The following FHOD3 variants were observed in gnomAD, a reference collection of about 807,000 sequenced individuals.
FHOD3 encodes the protein FH1/FH2 domain-containing protein 3.
Under a neutral mutation model 173.0 loss-of-function variants are expected in FHOD3, and 90 were observed. That is an observed-to-expected ratio of 0.52 (90% CI 0.44 to 0.62). FHOD3 has a LOEUF of 0.62. Ranked by LOEUF, FHOD3 falls within the 20% of genes least tolerant of loss-of-function variation. The pLI is 0.00. For synonymous variants in FHOD3, 828 were observed against 823.0 expected, an observed-to-expected ratio of 1.01 and a Z score of -0.10; for missense variants, 1,945 against 2,034.7, an observed-to-expected ratio of 0.96 and a Z score of 0.85.
At chr18:36,768,507 G>A (rs778322009) in intron 27 of FHOD3, among the ~76,000 whole-genome samples, 3 of 152,202 alleles carry the variant, frequency 2.0e-5, no homozygotes, top group Non-Finnish European at 2.9e-5. Context: ...ATACTTGGGA[G>A]TACTGGAACA....
intron 9 of FHOD3, among the ~76,000 whole-genome samples, chr18:36,616,620 A>G (rs1351110719): frequency 2.0e-5 from 3 of 152,222 alleles, no homozygotes; most frequent in Non-Finnish European, 4.4e-5. Context: ...TTAAAGAGCA[A>G]TAAAACAAAT....
At chr18:36,686,718 A>G (rs1021579672) in intron 15 of FHOD3, among the ~76,000 whole-genome samples, 7 of 151,998 alleles carry the variant, frequency 4.6e-5, no homozygotes, top group African/African-American at 7.2e-5. Flanking sequence ...AGGAACTTAG[A>G]TTTAATTCTT....
chr18:36,344,001 C>T (rs1274613093), intron 1 of FHOD3, among the ~76,000 whole-genome samples: 2 of 152,110 alleles, frequency 1.3e-5, no homozygotes, highest in Non-Finnish European at 2.9e-5. Flanking sequence ...TTCTGAAATT[C>T]ACTGTGGTGA....
chr18:36,763,837 C>T (rs1021930214), intron 27 of FHOD3, among the ~76,000 whole-genome samples: 21 of 152,062 alleles, frequency 1.4e-4, no homozygotes, highest in Non-Finnish European at 2.4e-4. Context: ...CAGCCTTGAT[C>T]CCCAGACACC....
In FHOD3 at chr18:36,542,259, G is replaced by C. The variant is rs534758502; in HGVS notation, c.511+29716G>C. 3.3e-5 allele frequency among the ~76,000 whole-genome samples: 5 copies of C among 152,280 alleles called. No individual in the cohort carries two copies. In the South Asian group the frequency reaches 8.3e-4, roughly 25 times the overall value. ...CCATACAGGAAGCATCACCCATCAT[G>C]ATGTCCACGGTTAATGTGTTTTTCA... is the stretch of plus-strand genomic sequence containing the variant. On this transcript the variant is annotated intron_variant, in intron 5 of 28. Coordinates refer to ENST00000590592, the MANE Select transcript of FHOD3 (RefSeq NM_001281740.3).
chr18:36,541,616 T>G (rs968856166), intron 5 of FHOD3, among the ~76,000 whole-genome samples: 12 of 152,180 alleles, frequency 7.9e-5, no homozygotes, highest in African/African-American at 2.9e-4. Context: ...GATATAAATG[T>G]ATGTGTTTAC....
At chr18:36,577,692 A>G (rs950060112) in intron 6 of FHOD3, among the ~76,000 whole-genome samples, 5 of 152,232 alleles carry the variant, frequency 3.3e-5, no homozygotes, top group African/African-American at 9.6e-5. Flanking sequence ...AGTTGAGGAA[A>G]TAGTGCTTGA....
intron 6 of FHOD3, among the ~76,000 whole-genome samples, chr18:36,579,766 G>C (rs999525644): frequency 6.6e-6 from 1 of 152,136 alleles, no homozygotes; most frequent in African/African-American, 2.4e-5. Flanking sequence ...GGACTTCCCA[G>C]CCTCCAGAAC....
At chr18:36,483,103 G>A (rs1035567835) in intron 3 of FHOD3, among the ~76,000 whole-genome samples, 4 of 152,298 alleles carry the variant, frequency 2.6e-5, no homozygotes. Context: ...CAGGAAGACT[G>A]CTTTGTGAGT....
intron 3 of FHOD3, among the ~76,000 whole-genome samples, chr18:36,491,773 TAA>T (rs752720569): frequency 2.0e-5 from 3 of 150,854 alleles, no homozygotes; most frequent in Non-Finnish European, 4.4e-5. Flanking sequence ...CATATACATT[TAA>T]GTTTCTTCTG....
At position 36,385,979 on chromosome 18, in the gene FHOD3, A is replaced by G. The variant is rs569989213; in HGVS notation, c.337+13235A>G. Among the ~76,000 whole-genome samples, 13 of 152,342 alleles carry G rather than the reference A, an allele frequency of 8.5e-5. No homozygotes were observed. The East Asian group carries it at 2.5e-3, about 29-fold the overall frequency. On this transcript the variant is annotated intron_variant, in intron 3 of 28. Transcript: ENST00000590592. ...ACAACATGACACCAAGTGCTTAGTT[A>G]TATCTATAATAACTTTAAAGTTGAA...
chr18:36,743,993 C>G lies in FHOD3; in HGVS notation c.3880-39C>G, dbSNP rs757577289. On this transcript the variant is annotated intron_variant, in intron 22 of 28. Transcript: ENST00000590592. ...CCATCCTGTGCTATTCTCTAAGAGC[C>G]TGCTTGAAACATGTCTTTTATTGAT... The G allele has an allele frequency of 7.4e-6, 12 of 1,611,396 alleles. No homozygotes were observed. In the East Asian group the frequency reaches 2.5e-4, roughly 33 times the overall value.
At chr18:36,333,764 G>T (rs1333288776) in intron 1 of FHOD3, among the ~76,000 whole-genome samples, 1 of 152,194 alleles carries the variant, frequency 6.6e-6, no homozygotes, top group African/African-American at 2.4e-5. Context: ...CTCTGGGGGT[G>T]GGATCCAGCA....
At chr18:36,540,048 T>A (rs998364221) in intron 5 of FHOD3, among the ~76,000 whole-genome samples, 9 of 152,146 alleles carry the variant, frequency 5.9e-5, no homozygotes, top group African/African-American at 2.2e-4. Flanking sequence ...AAGCATATTT[T>A]CCAGAGATCA....
intron 27 of FHOD3, among the ~76,000 whole-genome samples, chr18:36,766,631 G>C (rs1251049115): frequency 6.6e-6 from 1 of 152,196 alleles, no homozygotes; most frequent in African/African-American, 2.4e-5. Flanking sequence ...AAGAGGAGCG[G>C]ACATAAAGTA....
chr18:36,478,730 G>T (rs1048977306), intron 3 of FHOD3, among the ~76,000 whole-genome samples: 1 of 152,040 alleles, frequency 6.6e-6, no homozygotes, highest in African/African-American at 2.4e-5. Flanking sequence ...GTGGCTTTCG[G>T]TTACATTTAT....
At chr18:36,416,255 G>C (rs775461500) in intron 3 of FHOD3, among the ~76,000 whole-genome samples, 1 of 152,102 alleles carries the variant, frequency 6.6e-6, no homozygotes, top group Non-Finnish European at 1.5e-5. Flanking sequence ...GGATAGTCTC[G>C]ATCTCTTGAC....
chr18:36,653,330 T>C lies in FHOD3; in HGVS notation c.1647-12T>C. On this transcript the variant is annotated splice_polypyrimidine_tract_variant and intron_variant, in intron 12 of 28. Coordinates refer to ENST00000590592, the MANE Select transcript of FHOD3 (RefSeq NM_001281740.3). ...GTGCCACATTGTGAGCGGGCTTTTC[T>C]TCCTTTGACAGTTCCTCTGATTCTT... 2.0e-6 allele frequency: 3 copies of C among 1,530,998 alleles called. No homozygotes were observed. Among genetic ancestry groups the C allele is most frequent in the Non-Finnish European group, 2.6e-6 (3 of 1,144,770 alleles). The allele number at this position is 1,530,998 out of a possible 1,614,324, so 94.8% of individuals were successfully genotyped here.
chr18:36,702,945 A>G (rs897562098), intron 17 of FHOD3, among the ~76,000 whole-genome samples: 11 of 152,310 alleles, frequency 7.2e-5, no homozygotes, highest in African/African-American at 2.4e-4. Context: ...AGTCCAGCCA[A>G]TCCAGGTTCA....
Sources: gnomAD v4.1 joint callset for allele counts (sites outside exome capture counted in the v4.1 genomes callset) on GRCh38, gnomAD v4.1.1 for gene constraint, MANE v1.5 for transcripts, NCBI Gene and HGNC (gene_info 2026-07-23, HGNC 2026-07-21) for gene names.